MGST1: variants seen among roughly 807,000 people sequenced by gnomAD.
MGST1 encodes the protein glutathione S-transferase 12.
In MGST1, 5 loss-of-function variants were observed where a neutral mutation model predicts 8.9. That is an observed-to-expected ratio of 0.56 (90% CI 0.29 to 1.19). MGST1 has a LOEUF of 1.19. MGST1 is among the 50% of genes most tolerant of loss of function. The pLI is 0.08. For missense variants in MGST1, 182 were observed against 187.4 expected, an observed-to-expected ratio of 0.97 and a Z score of 0.17; for synonymous variants, 54 against 67.8, an observed-to-expected ratio of 0.80 and a Z score of 1.00.
At chr12:16,535,713 A>G (rs142464055) in intron 4 of MGST1, among the ~76,000 whole-genome samples, 1 of 152,300 alleles carries the variant, frequency 6.6e-6, no homozygotes, top group African/African-American at 2.4e-5. Flanking sequence ...GGCTCTTAAT[A>G]TATTTCCCAC....
downstream of MGST1, among the ~76,000 whole-genome samples, chr12:16,440,354 T>C (rs1373407847): frequency 6.6e-6 from 1 of 151,714 alleles, no homozygotes; most frequent in Non-Finnish European, 1.5e-5. Flanking sequence ...CACTCAATAA[T>C]TCCAACTTCT....
intron 4 of MGST1, among the ~76,000 whole-genome samples, chr12:16,562,863 G>A (rs749705972): frequency 1.8e-4 from 27 of 152,212 alleles, no homozygotes; most frequent in Non-Finnish European, 3.7e-4. Flanking sequence ...TGCTACCAGT[G>A]TACTTTCCAC....
chr12:16,566,258 G>A (rs1357732663), intron 4 of MGST1, among the ~76,000 whole-genome samples: 1 of 151,424 alleles, frequency 6.6e-6, no homozygotes, highest in Non-Finnish European at 1.5e-5. Flanking sequence ...AGCAGAGAGG[G>A]AAGGAGGAAG....
chr12:16,475,047 G>T (rs1195678250), intron 4 of MGST1, among the ~76,000 whole-genome samples: 2 of 152,124 alleles, frequency 1.3e-5, no homozygotes, highest in Non-Finnish European at 2.9e-5. Flanking sequence ...AGGGAAGCTT[G>T]GCATTTAGCT....
intron 4 of MGST1, among the ~76,000 whole-genome samples, chr12:16,553,849 G>T (rs1942082277): frequency 6.7e-6 from 1 of 149,942 alleles, no homozygotes; most frequent in Admixed American, 6.6e-5. Flanking sequence ...AACTTCTTAT[G>T]AGATTCAGCA....
At chr12:16,398,527 G>A (rs184400166) in intron 1 of MGST1, among the ~76,000 whole-genome samples, 12 of 152,286 alleles carry the variant, frequency 7.9e-5, no homozygotes, top group African/African-American at 2.9e-4. Context: ...AGCAGTACAT[G>A]AGGCACAACC....
intron 4 of MGST1, among the ~76,000 whole-genome samples, chr12:16,519,038 A>G (rs964691286): frequency 6.6e-6 from 1 of 152,214 alleles, no homozygotes; most frequent in African/African-American, 2.4e-5. Flanking sequence ...GGAATTGAGA[A>G]GACAGTGTGC....
chr12:16,453,704 C>A (rs1318086057), intron 4 of MGST1, among the ~76,000 whole-genome samples: 1 of 151,898 alleles, frequency 6.6e-6, no homozygotes, highest in Non-Finnish European at 1.5e-5. Context: ...TATCCCCTGG[C>A]TGCTAGTGGT....
intron 4 of MGST1, among the ~76,000 whole-genome samples, chr12:16,525,051 A>C (rs868671256): frequency 2.6e-5 from 4 of 151,812 alleles, no homozygotes; most frequent in African/African-American, 9.7e-5. Flanking sequence ...TTTTTTTATC[A>C]ATATGTCTCA....
chr12:16,563,210 A>G (rs1366191987), intron 4 of MGST1, among the ~76,000 whole-genome samples: 2 of 152,128 alleles, frequency 1.3e-5, no homozygotes, highest in Non-Finnish European at 2.9e-5. Flanking sequence ...AGATGCGGAA[A>G]TCTGATCTAA....
intron 1 of MGST1, among the ~76,000 whole-genome samples, chr12:16,348,344 C>T (rs1371238958): frequency 6.6e-6 from 1 of 152,162 alleles, no homozygotes; most frequent in Non-Finnish European, 1.5e-5. Flanking sequence ...CCCCTTGGGA[C>T]GGTTCTCACC....
chr12:16,426,572 T>C (rs1342149881), intron 1 of MGST1, among the ~76,000 whole-genome samples: 1 of 152,202 alleles, frequency 6.6e-6, no homozygotes, highest in Non-Finnish European at 1.5e-5. Flanking sequence ...GACTTCTTGA[T>C]AGTGTTCAAT....
rs1003009801 is a variant in MGST1, at chr12:16,555,787, A to G, written n.483-33741A>G. 3.9e-5 allele frequency among the ~76,000 whole-genome samples: 6 copies of G among 152,044 alleles called. No homozygotes were observed. The highest frequency in any genetic ancestry group is 1.2e-4 in the African/African-American group (5 of 41,398). ...TCTGCATGCCTTTGCACGTTGCTCA[A>G]TTTGCCTGAAAATTCCTTTCCTCAC... is the stretch of plus-strand genomic sequence containing the variant. On this transcript the variant is annotated intron_variant and non_coding_transcript_variant, in intron 4 of 4. Transcript: ENST00000538857. The surrounding 1 kb of genome is among the most constrained non-coding windows in gnomAD (Gnocchi z 5.5).
chr12:16,515,935 A>C (rs576201844), intron 4 of MGST1, among the ~76,000 whole-genome samples: 1 of 152,200 alleles, frequency 6.6e-6, no homozygotes, highest in Admixed American at 6.5e-5. Context: ...GGCTTCACCC[A>C]TTGGAAAGAA....
intron 1 of MGST1, among the ~76,000 whole-genome samples, chr12:16,433,199 C>G (rs1774313560): frequency 6.6e-6 from 1 of 152,002 alleles, no homozygotes. Flanking sequence ...CTTAGCCAGT[C>G]TAATCTTTCT....
In MGST1 at chr12:16,361,217, C is replaced by T. The variant is rs1434433736; in HGVS notation, c.222-2578C>T. Among the ~76,000 whole-genome samples the T allele has an allele frequency of 6.6e-6, 1 of 152,182 alleles. No homozygotes were observed. Among genetic ancestry groups the T allele is most frequent in the African/African-American group, 2.4e-5 (1 of 41,448 alleles). Reference sequence around the variant, plus strand: ...AGAGCTTTGGCTGAGATGAGGGCGTCAGGAAAAGCCTGCTGTGCAGCTCCT... The same window carrying T: ...AGAGCTTTGGCTGAGATGAGGGCGTTAGGAAAAGCCTGCTGTGCAGCTCCT... On this transcript the variant is annotated intron_variant, in intron 3 of 3. Coordinates refer to ENST00000396210, the MANE Select transcript of MGST1 (RefSeq NM_020300.5). The surrounding 1 kb of genome is among the most constrained non-coding windows in gnomAD (Gnocchi z 4.2).
rs1942984378 is a variant in MGST1, at chr12:16,576,014, T to C, written n.483-13514T>C. Among the ~76,000 whole-genome samples, 1 of 152,062 alleles carries C rather than the reference T, an allele frequency of 6.6e-6. No homozygotes were observed. The highest frequency in any genetic ancestry group is 6.6e-5 in the Admixed American group (1 of 15,264). On this transcript the variant is annotated intron_variant and non_coding_transcript_variant, in intron 4 of 4. Transcript: ENST00000538857. This position sits in a 1 kb window ranked among gnomAD's most constrained non-coding sequence, Gnocchi z 4.1. ...TGCCTCCTCTTCTCAGACCCCCAAA[T>C]CTAGCCCTGCCGCTGTGTTAAAAGG...
intron 1 of MGST1, chr12:16,399,989 T>A: frequency 6.9e-7 from 1 of 1,439,804 alleles, no homozygotes; most frequent in Non-Finnish European, 9.8e-7. Context: ...AGGAGGCAGG[T>A]ACTCCTGTAG....
Position 16,560,806 on chromosome 12 carries a change from G to C in MGST1, n.483-28722G>C. The C allele has an allele frequency of 2.1e-6, 1 of 472,044 alleles. No homozygotes were observed. Among genetic ancestry groups the C allele is most frequent in the Non-Finnish European group, 4.0e-6 (1 of 252,166 alleles). 29.2% of individuals were successfully genotyped at this position (472,044 alleles called of 1,614,324 possible). On this transcript the variant is annotated intron_variant and non_coding_transcript_variant, in intron 4 of 4. Transcript: ENST00000538857. The surrounding 1 kb of genome is among the most constrained non-coding windows in gnomAD (Gnocchi z 5.0). ...CTTACGTAACTGCACATAAACAGAAGTCAATGGGGGTGAATTCATAGCAAA... is the reference window on the plus strand; with the variant it reads ...CTTACGTAACTGCACATAAACAGAACTCAATGGGGGTGAATTCATAGCAAA...
Sources: gnomAD v4.1 joint callset for allele counts (sites outside exome capture counted in the v4.1 genomes callset) on GRCh38, gnomAD v4.1.1 for gene constraint, Gnocchi (gnomAD v3.1) non-coding constraint, MANE v1.5 for transcripts, NCBI Gene and HGNC (gene_info 2026-07-23, HGNC 2026-07-21) for gene names.